Variants in SEPTIN6 observed in about 807,000 individuals in gnomAD.
The protein encoded by SEPTIN6 is septin-6.
SEPTIN6 carries 8 observed loss-of-function variants against 33.6 expected under a neutral mutation model. The observed-to-expected ratio is 0.24, with a 90% CI of 0.14 to 0.43. The LOEUF (loss-of-function observed/expected upper bound fraction) is 0.43, where lower values mean the gene tolerates loss of function less well. Ranked by LOEUF, SEPTIN6 falls within the 20% of genes least tolerant of loss-of-function variation. The pLI is 1.00. For synonymous variants in SEPTIN6, 131 were observed against 140.0 expected (o/e 0.94, Z 0.45); for missense variants, 250 against 340.8 (o/e 0.73, Z 2.10).
At chrX:119,620,335 T>A (rs2053728164) in intron 10 of SEPTIN6, among the ~76,000 whole-genome samples, 1 of 106,417 alleles carries the variant, frequency 9.4e-6, no homozygotes, top group Admixed American at 1.0e-4. Context: ...TTTTTTTTTT[T>A]TGAGACAGAG....
At chrX:119,686,236 GA>G (rs900892110) in intron 1 of SEPTIN6, among the ~76,000 whole-genome samples, 1 of 111,991 alleles carries the variant, frequency 8.9e-6, no homozygotes, top group Admixed American at 9.5e-5. Context: ...ATGGGGATCT[GA>G]AAAAAACCCA....
Position 119,634,793 on chromosome X carries a change from G to A in SEPTIN6, c.957-1301C>T, listed in dbSNP as rs762833349. Among the ~76,000 whole-genome samples the A allele has an allele frequency of 7.3e-5, 8 of 110,194 alleles. No individual in the cohort carries two copies. In the South Asian group the frequency reaches 1.2e-3, roughly 16 times the overall value. On this transcript the variant is annotated intron_variant, in intron 7 of 10. Coordinates refer to ENST00000394610, the MANE Select transcript of SEPTIN6 (RefSeq NM_145799.4). ...GGAGGCCAAGGTGGGTAGATCACTT[G>A]AGGTCAGGAGTTCAAGACCAGCCTG...
chrX:119,625,159 A>G (rs1173461640), intron 10 of SEPTIN6, among the ~76,000 whole-genome samples, 176 bp downstream of exon 10: 1 of 112,154 alleles, frequency 8.9e-6, no homozygotes, highest in Non-Finnish European at 1.9e-5. Context: ...GGCATTCCAC[A>G]TGTACACCTG....
At chrX:119,640,661 T>C (rs186279450) in intron 6 of SEPTIN6, 31 bp downstream of exon 6, 4 of 1,079,971 alleles carry the variant, frequency 3.7e-6, no homozygotes, top group Non-Finnish European at 3.9e-6. Flanking sequence ...AGGGGCTTCC[T>C]GTGTGTAGCC....
intron 8 of SEPTIN6, among the ~76,000 whole-genome samples, chrX:119,632,226 C>T (rs1322226869): frequency 1.8e-5 from 2 of 108,911 alleles, no homozygotes; most frequent in African/African-American, 6.7e-5. Context: ...GGCAGAGTCT[C>T]GCTCTGTCGC....
At chrX:119,686,773 A>G (rs761580809) in intron 1 of SEPTIN6, 79 of 285,567 alleles carry the variant, frequency 2.8e-4, no homozygotes, top group Non-Finnish European at 4.6e-4. Context: ...TATGGAGAAG[A>G]AAAAATAAAA....
At chrX:119,686,053 C>G (rs758934620) in intron 1 of SEPTIN6, among the ~76,000 whole-genome samples, 1 of 111,788 alleles carries the variant, frequency 8.9e-6, no homozygotes, top group African/African-American at 3.3e-5. Flanking sequence ...CCCACAAAAG[C>G]CAGCCAGATT....
intron 3 of SEPTIN6, 24 bp downstream of exon 3, chrX:119,663,458 A>AACCCCCCCCCCC: frequency 2.7e-6 from 2 of 730,701 alleles, no homozygotes; most frequent in Non-Finnish European, 4.0e-6. Flanking sequence ...TCCCCACCCT[A>AACCCCCCCCCCC]CCCCACCCCA....
intron 2 of SEPTIN6, among the ~76,000 whole-genome samples, chrX:119,667,626 A>G (rs1374548720): frequency 9.1e-6 from 1 of 110,421 alleles, no homozygotes; most frequent in Non-Finnish European, 1.9e-5. Context: ...AATGACTGGC[A>G]CAGACCCAGC....
At position 119,618,554 on chromosome X, in the gene SEPTIN6, T is replaced by A; in HGVS notation, c.*1539A>T. Reference sequence around the variant, plus strand: ...AAAAAAAGAAACTCTAAAAAAAAAATAGAAGTAGGTGGTCATGGTCAGTGC... The same window carrying A: ...AAAAAAAGAAACTCTAAAAAAAAAAAAGAAGTAGGTGGTCATGGTCAGTGC... On this transcript the variant is annotated 3_prime_UTR_variant, in exon 11 of 11. Transcript: ENST00000394610. The A allele has an allele frequency of 1.1e-6, 1 of 948,736 alleles. No homozygotes were observed. Among genetic ancestry groups the A allele is most frequent in the Non-Finnish European group, 1.3e-6 (1 of 757,600 alleles). The allele number at this position is 948,736 out of a possible 1,213,427, so 78.2% of individuals were successfully genotyped here.
intron 5 of SEPTIN6, among the ~76,000 whole-genome samples, chrX:119,644,547 T>G (rs2147511097): frequency 9.0e-6 from 1 of 111,623 alleles, no homozygotes; most frequent in Admixed American, 9.5e-5. Flanking sequence ...CTGCATGATG[T>G]CTCTTTAAAA....
intron 6 of SEPTIN6, 63 bp from the exon 7 acceptor site, chrX:119,637,258 G>T: frequency 9.4e-7 from 1 of 1,068,026 alleles, no homozygotes; most frequent in Non-Finnish European, 1.3e-6. Context: ...AAGCAGAAAT[G>T]GATGAAACGA....
At chrX:119,686,422 C>G (rs920989181) in intron 1 of SEPTIN6, 3 of 273,810 alleles carry the variant, frequency 1.1e-5, no homozygotes, top group Non-Finnish European at 2.0e-5. Context: ...TGAGGCCTCT[C>G]GCTGAGAAGG....
At chrX:119,656,774 T>C (rs1435775349) in intron 3 of SEPTIN6, among the ~76,000 whole-genome samples, 1 of 111,553 alleles carries the variant, frequency 9.0e-6, no homozygotes, top group African/African-American at 3.3e-5. Context: ...TAATCCCAGC[T>C]ACTCAGAAGG....
chrX:119,683,995 A>G (rs536948243), intron 1 of SEPTIN6, among the ~76,000 whole-genome samples: 1 of 102,701 alleles, frequency 9.7e-6, no homozygotes, highest in South Asian at 4.4e-4. Context: ...GCTGGAGTGC[A>G]GTGGCGCGAT....
intron 5 of SEPTIN6, among the ~76,000 whole-genome samples, chrX:119,649,283 G>A (rs185662397): frequency 2.8e-5 from 3 of 106,889 alleles, no homozygotes; most frequent in African/African-American, 1.0e-4. Context: ...TAGTAGAGAC[G>A]GGGTTTTGCC....
chrX:119,652,574 T>C (rs1296601376), intron 4 of SEPTIN6, among the ~76,000 whole-genome samples: 2 of 111,943 alleles, frequency 1.8e-5, no homozygotes, highest in African/African-American at 6.5e-5. Flanking sequence ...AGCTTTCCAT[T>C]GCCAAAGCCT....
intron 1 of SEPTIN6, among the ~76,000 whole-genome samples, chrX:119,687,122 T>C (rs749451503): frequency 1.5e-3 from 170 of 112,024 alleles, no homozygotes; most frequent in African/African-American, 4.9e-3. Flanking sequence ...CAGGAAGCCA[T>C]TGGGGAAAAT....
chrX:119,673,950 TACATGA>T (rs1439578207), intron 2 of SEPTIN6, among the ~76,000 whole-genome samples: 2 of 109,932 alleles, frequency 1.8e-5, no homozygotes, highest in Non-Finnish European at 3.8e-5. Context: ...TCAGATCTAC[TACATGA>T]ACAAGTTCCC....
Sources: gnomAD v4.1 joint callset for allele counts (sites outside exome capture counted in the v4.1 genomes callset) on GRCh38, gnomAD v4.1.1 for gene constraint, MANE v1.5 for transcripts, NCBI Gene and HGNC (gene_info 2026-07-23, HGNC 2026-07-21) for gene names.